HCN1: variants seen among roughly 807,000 people sequenced by gnomAD.
HCN1 encodes hyperpolarization activated cyclic nucleotide gated potassium channel 1.
In HCN1, 13 loss-of-function variants were observed where a neutral mutation model predicts 78.9. That is an observed-to-expected ratio of 0.16 (90% CI 0.11 to 0.26). The LOEUF (loss-of-function observed/expected upper bound fraction) is 0.26. Ranked by LOEUF, HCN1 falls within the 10% of genes least tolerant of loss-of-function variation. The pLI is 1.00. For missense variants in HCN1, 810 were observed against 1,154.3 expected (o/e 0.70, Z 4.32); for synonymous variants, 552 against 455.5 (o/e 1.21, Z -2.70).
intron 2 of HCN1, among the ~76,000 whole-genome samples, chr5:45,504,169 T>C (rs909680051): frequency 2.6e-4 from 39 of 152,246 alleles, no homozygotes; most frequent in Admixed American, 1.2e-3. Context: ...GTTACATATG[T>C]ATACATGTGC....
At chr5:45,514,447 A>G (rs926022129) in intron 2 of HCN1, among the ~76,000 whole-genome samples, 9 of 152,280 alleles carry the variant, frequency 5.9e-5, no homozygotes, top group African/African-American at 1.9e-4. Context: ...GGATCATGTA[A>G]TTCAAAACCT....
chr5:45,342,496 C>G (rs1264408547), intron 5 of HCN1, among the ~76,000 whole-genome samples: 1 of 151,920 alleles, frequency 6.6e-6, no homozygotes, highest in Non-Finnish European at 1.5e-5. Flanking sequence ...CCTCGGCCAC[C>G]CAAAATGCTG....
chr5:45,340,406 A>G (rs1381805428), intron 5 of HCN1, among the ~76,000 whole-genome samples: 1 of 152,130 alleles, frequency 6.6e-6, no homozygotes, highest in Admixed American at 6.6e-5. Flanking sequence ...TTATTCTGGA[A>G]TCCTAACTTC....
intron 5 of HCN1, among the ~76,000 whole-genome samples, chr5:45,316,902 A>G (rs1326379303): frequency 1.3e-5 from 2 of 152,194 alleles, no homozygotes; most frequent in African/African-American, 2.4e-5. Context: ...CCACTGCTCA[A>G]CGAAATAAAA....
At position 45,292,262 on chromosome 5, in the gene HCN1, G is replaced by A. The variant is rs181391498; in HGVS notation, c.1618+11337C>T. 3.5e-3 allele frequency among the ~76,000 whole-genome samples: 524 copies of A among 151,780 alleles called. 2 individuals carry two copies. Among genetic ancestry groups the A allele is most frequent in the African/African-American group, 0.012 (497 of 41,402 alleles). ...ATAACTATTTTGTACAATATGCTGG[G>A]CACTAGTCAAATATGGCTATTAACA... On this transcript the variant is annotated intron_variant, in intron 6 of 7. Transcript: ENST00000303230.
chr5:45,317,385 T>A (rs1275389914), intron 5 of HCN1, among the ~76,000 whole-genome samples: 1 of 152,152 alleles, frequency 6.6e-6, no homozygotes, highest in East Asian at 1.9e-4. Context: ...TGAAACTGGA[T>A]CCCTTCCTTA....
intron 3 of HCN1, among the ~76,000 whole-genome samples, chr5:45,436,918 GATTAAATA>G (rs2112082490): frequency 6.6e-6 from 1 of 152,254 alleles, no homozygotes; most frequent in African/African-American, 2.4e-5. Context: ...CGATCAACCA[GATTAAATA>G]ATACAGTAAA....
chr5:45,585,754 T>C (rs1313866954), intron 2 of HCN1, among the ~76,000 whole-genome samples: 1 of 152,198 alleles, frequency 6.6e-6, no homozygotes, highest in East Asian at 1.9e-4. Flanking sequence ...GTCGGGACCC[T>C]CAGCTGCAGG....
chr5:45,619,750 G>A (rs969796253), intron 2 of HCN1, among the ~76,000 whole-genome samples: 5 of 151,958 alleles, frequency 3.3e-5, no homozygotes, highest in Admixed American at 6.6e-5. Flanking sequence ...CAGGATATTT[G>A]CATAACCTAA....
intron 2 of HCN1, among the ~76,000 whole-genome samples, chr5:45,529,888 C>G (rs1316232624): frequency 6.6e-6 from 1 of 151,778 alleles, no homozygotes; most frequent in Non-Finnish European, 1.5e-5. Context: ...CCAAATTATC[C>G]CAAACCAAAG....
chr5:45,628,171 T>C (rs1165907356), intron 2 of HCN1, among the ~76,000 whole-genome samples: 1 of 152,182 alleles, frequency 6.6e-6, no homozygotes, highest in Non-Finnish European at 1.5e-5. Flanking sequence ...CATTGTTCTT[T>C]ACTTCTCTTG....
intron 5 of HCN1, among the ~76,000 whole-genome samples, chr5:45,347,289 G>C (rs933154864): frequency 3.3e-5 from 5 of 152,148 alleles, no homozygotes; most frequent in African/African-American, 1.2e-4. Flanking sequence ...AACTCCAACA[G>C]ACCTGCAGCT....
At chr5:45,573,840 A>G (rs1743883925) in intron 2 of HCN1, among the ~76,000 whole-genome samples, 1 of 152,158 alleles carries the variant, frequency 6.6e-6, no homozygotes, top group Non-Finnish European at 1.5e-5. Flanking sequence ...TATAAGATGT[A>G]TTTTTAGAAT....
chr5:45,393,151 T>C (rs1739617822), intron 4 of HCN1, among the ~76,000 whole-genome samples: 1 of 152,188 alleles, frequency 6.6e-6, no homozygotes, highest in Admixed American at 6.5e-5. Flanking sequence ...TTCAAGTTGG[T>C]GATATTCGTA....
At chr5:45,540,051 T>C (rs959809842) in intron 2 of HCN1, among the ~76,000 whole-genome samples, 6 of 150,592 alleles carry the variant, frequency 4.0e-5, no homozygotes, top group African/African-American at 7.3e-5. Context: ...TACATAATGA[T>C]AATAAATGCT....
At chr5:45,339,650 T>A (rs890033354) in intron 5 of HCN1, among the ~76,000 whole-genome samples, 6 of 152,168 alleles carry the variant, frequency 3.9e-5, no homozygotes, top group Admixed American at 2.0e-4. Flanking sequence ...GGTAGCTCTG[T>A]AATGGAATGC....
chr5:45,309,999 C>CT (rs1477769082), intron 5 of HCN1, among the ~76,000 whole-genome samples: 2 of 151,996 alleles, frequency 1.3e-5, no homozygotes, highest in African/African-American at 4.8e-5. Flanking sequence ...TGGTCTTGGG[C>CT]TTTTTTTGGT....
In HCN1 at chr5:45,534,404, C is replaced by CAAAAAAAAAAAAA. The variant is rs71000637; in HGVS notation, c.850-72410_850-72398dup. Among the ~76,000 whole-genome samples, 24 of 29,316 alleles carry CAAAAAAAAAAAAA rather than the reference C, an allele frequency of 8.2e-4. 3 individuals are homozygous for CAAAAAAAAAAAAA. Among genetic ancestry groups the CAAAAAAAAAAAAA allele is most frequent in the African/African-American group, 1.2e-3 (7 of 5,888 alleles). 19.2% of individuals were successfully genotyped at this position (29,316 alleles called of 152,430 possible). A position where few individuals can be genotyped will look rare whatever the true frequency, so the allele number is the denominator to read the frequency against. On this transcript the variant is annotated intron_variant, in intron 2 of 7. Transcript: ENST00000303230. ...TGGGCAACAGAGTGAGACTGCATCTCAAAAAAAAAAAAAAAAAAAAAAAAA... is the reference window on the plus strand; with the variant it reads ...TGGGCAACAGAGTGAGACTGCATCTCAAAAAAAAAAAAAAAAAAAAAAAAAAAAAAAAAAAAAA...
At chr5:45,273,535 C>T (rs1278550479) in intron 6 of HCN1, among the ~76,000 whole-genome samples, 1 of 152,090 alleles carries the variant, frequency 6.6e-6, no homozygotes. Flanking sequence ...CTGAACTTGA[C>T]ATTGCTGTGA....
Sources: allele counts gnomAD v4.1 joint callset (sites outside exome capture counted in the v4.1 genomes callset), GRCh38; gene constraint gnomAD v4.1.1; transcripts MANE v1.5; gene names NCBI Gene and HGNC (gene_info 2026-07-23, HGNC 2026-07-21).